FSTL4: variants seen among roughly 807,000 people sequenced by gnomAD.
The protein encoded by FSTL4 is follistatin-related protein 4.
In FSTL4, 28 loss-of-function variants were observed where a neutral mutation model predicts 78.2. The observed-to-expected ratio is 0.36, with a 90% CI of 0.27 to 0.49. The LOEUF (loss-of-function observed/expected upper bound fraction) is 0.49. FSTL4 is among the 20% of genes least tolerant of loss of function. FSTL4 has a pLI of 0.98. For synonymous variants in FSTL4, 422 were observed against 440.5 expected, an observed-to-expected ratio of 0.96 and a Z score of 0.53; for missense variants, 922 against 1,084.9, an observed-to-expected ratio of 0.85 and a Z score of 2.11.
chr5:133,395,326 C>G (rs1755994192), intron 4 of FSTL4, among the ~76,000 whole-genome samples: 1 of 152,152 alleles, frequency 6.6e-6, no homozygotes. Context: ...ATGAACAACT[C>G]CAGACGCGCC....
chr5:133,423,979 C>A (rs1756753748), intron 3 of FSTL4, among the ~76,000 whole-genome samples: 1 of 152,298 alleles, frequency 6.6e-6, no homozygotes, highest in Non-Finnish European at 1.5e-5. Context: ...GGCGGTTCAC[C>A]AGCTTACCAC....
chr5:133,519,449 G>T (rs1758929698), intron 3 of FSTL4, among the ~76,000 whole-genome samples: 1 of 152,212 alleles, frequency 6.6e-6, no homozygotes, highest in African/African-American at 2.4e-5. Flanking sequence ...GGAAGCAGGT[G>T]CTGGGTTAGT....
intron 2 of FSTL4, among the ~76,000 whole-genome samples, chr5:133,571,468 C>A (rs901125696): frequency 5.9e-5 from 9 of 152,132 alleles, no homozygotes; most frequent in Non-Finnish European, 7.4e-5. Context: ...ACATGTTATC[C>A]AGATCTTAGA....
intron 6 of FSTL4, among the ~76,000 whole-genome samples, chr5:133,256,319 A>C (rs1187418805): frequency 6.6e-6 from 1 of 152,214 alleles, no homozygotes; most frequent in Admixed American, 6.5e-5. Context: ...GCCACCAAAG[A>C]AGCTGGGGCA....
At chr5:133,261,899 G>A (rs1752533391) in intron 6 of FSTL4, among the ~76,000 whole-genome samples, 1 of 152,038 alleles carries the variant, frequency 6.6e-6, no homozygotes, top group South Asian at 2.1e-4. Context: ...GGCTGAGGTG[G>A]GAGAATTGCT....
intron 3 of FSTL4, among the ~76,000 whole-genome samples, chr5:133,559,985 T>C (rs935839208): frequency 1.3e-5 from 2 of 152,174 alleles, no homozygotes; most frequent in Non-Finnish European, 2.9e-5. Flanking sequence ...AGAGATGACA[T>C]AAAGCCAAGT....
intron 15 of FSTL4, among the ~76,000 whole-genome samples, chr5:133,200,766 C>G (rs757270808): frequency 7.9e-5 from 12 of 152,206 alleles, no homozygotes; most frequent in Non-Finnish European, 1.6e-4. Flanking sequence ...AGAGCAGAAT[C>G]TCTTCTGTAG....
At chr5:133,403,483 G>A (rs907550430) in intron 3 of FSTL4, among the ~76,000 whole-genome samples, 3 of 152,162 alleles carry the variant, frequency 2.0e-5, no homozygotes, top group East Asian at 1.9e-4. Flanking sequence ...CTTGCTCCTC[G>A]TGTGGCCCCA....
At chr5:133,220,250 T>C (rs1046235372) in intron 12 of FSTL4, among the ~76,000 whole-genome samples, 1 of 152,210 alleles carries the variant, frequency 6.6e-6, no homozygotes, top group Admixed American at 6.5e-5. Context: ...CAAGGCCAAG[T>C]GGGAAACAAG....
chr5:133,234,336 A>G (rs1751592029), intron 7 of FSTL4, among the ~76,000 whole-genome samples: 2 of 152,228 alleles, frequency 1.3e-5, no homozygotes. Context: ...AATAAGCCTC[A>G]GCACTGTCAT....
At chr5:133,351,064 T>C (rs1233577677) in intron 4 of FSTL4, among the ~76,000 whole-genome samples, 1 of 152,188 alleles carries the variant, frequency 6.6e-6, no homozygotes, top group African/African-American at 2.4e-5. Context: ...CATATGTAAA[T>C]TTTTTTATTT....
intron 3 of FSTL4, among the ~76,000 whole-genome samples, chr5:133,513,067 C>T (rs1433582867): frequency 2.0e-5 from 3 of 152,122 alleles, no homozygotes; most frequent in Non-Finnish European, 4.4e-5. Context: ...ATGATCAGCC[C>T]GCCTCAGCCT....
intron 3 of FSTL4, among the ~76,000 whole-genome samples, chr5:133,488,396 G>A (rs993971455): frequency 3.3e-5 from 5 of 152,052 alleles, no homozygotes; most frequent in African/African-American, 9.7e-5. Context: ...CTGGAATTAC[G>A]GGTACCCACC....
intron 6 of FSTL4, among the ~76,000 whole-genome samples, chr5:133,276,383 C>T (rs1406466071): frequency 1.3e-5 from 2 of 152,206 alleles, no homozygotes; most frequent in African/African-American, 2.4e-5. Context: ...AGGTCTGTCC[C>T]GCCCTGGCCT....
chr5:133,482,713 GT>G (rs1205934315), intron 3 of FSTL4, among the ~76,000 whole-genome samples: 1 of 152,224 alleles, frequency 6.6e-6, no homozygotes, highest in Non-Finnish European at 1.5e-5. Flanking sequence ...AGGAGAAGGT[GT>G]TGGTATGCAC....
the FSTL4 span, among the ~76,000 whole-genome samples, chr5:133,827,410 G>A: frequency 2.2e-3 from 340 of 152,180 alleles, 3 homozygotes; most frequent in African/African-American, 7.6e-3. Flanking sequence ...GGAGTGTCGC[G>A]GATGCCTGCC....
chr5:133,638,786 G>T, the FSTL4 span, among the ~76,000 whole-genome samples: 1 of 150,930 alleles, frequency 6.6e-6, no homozygotes, highest in African/African-American at 2.4e-5. Context: ...ACGTTTTTTC[G>T]TATACATACA....
chr5:133,223,530 G>A (rs2126791553), intron 11 of FSTL4, among the ~76,000 whole-genome samples: 1 of 152,274 alleles, frequency 6.6e-6, no homozygotes, highest in Middle Eastern at 3.4e-3. Context: ...GGGACACAGT[G>A]GGGACTGGGA....
chr5:133,627,443 A>C, the FSTL4 span, among the ~76,000 whole-genome samples: 6 of 152,190 alleles, frequency 3.9e-5, no homozygotes, highest in African/African-American at 1.4e-4. Context: ...GATCACTTTC[A>C]TGATTCAATT....
Sources: gnomAD v4.1 joint callset for allele counts (sites outside exome capture counted in the v4.1 genomes callset) on GRCh38, gnomAD v4.1.1 for gene constraint, MANE v1.5 for transcripts, NCBI Gene and HGNC (gene_info 2026-07-23, HGNC 2026-07-21) for gene names.